MYO1F: variants seen among roughly 807,000 people sequenced by gnomAD.
MYO1F encodes unconventional myosin-If.
In MYO1F, 60 loss-of-function variants were observed where a neutral mutation model predicts 146.6. The ratio of observed to expected loss-of-function variants is 0.41; its 90% CI spans 0.33 to 0.51. MYO1F has a LOEUF of 0.51. MYO1F is among the 20% of genes least tolerant of loss of function. The pLI is 0.25. For synonymous variants in MYO1F, 602 were observed against 602.1 expected (o/e 1.00, Z 0.00); for missense variants, 1,274 against 1,534.3 (o/e 0.83, Z 2.83).
chr19:8,558,167 T>C (rs1973935150), intron 1 of MYO1F, among the ~76,000 whole-genome samples: 2 of 147,370 alleles, frequency 1.4e-5, no homozygotes, highest in African/African-American at 2.5e-5. Context: ...TCTTTTTCTT[T>C]TCTTTTTTTC....
In MYO1F at chr19:8,553,413, T is replaced by C. The variant is rs1196449297; in HGVS notation, c.351A>G (p.Thr117=). The C allele has an allele frequency of 6.2e-7, 1 of 1,614,146 alleles. No homozygotes were observed. Among genetic ancestry groups the C allele is most frequent in the South Asian group, 1.1e-5 (1 of 91,090 alleles). ...AGCCCATGATATATTTGGCTGCCAC[T>C]GTCTTCCCAGCTCCACTCTCTCCAC... ...IISGESGAGK[T]VAAKYIMGYI... is the part of the protein sequence containing the mutation. The change falls in exon 5 of 28, where the codon ACA becomes ACG. Residue 117 remains threonine (T), a synonymous_variant. Transcript: ENST00000644032.
intron 1 of MYO1F, among the ~76,000 whole-genome samples, chr19:8,561,854 CTA>C (rs1403093595): frequency 6.6e-6 from 1 of 151,540 alleles, no homozygotes; most frequent in Non-Finnish European, 1.5e-5. Context: ...GCAGCTGGGA[CTA>C]TAGGCGCGCA....
chr19:8,533,083 T>G (rs1423918749), intron 19 of MYO1F, among the ~76,000 whole-genome samples: 1 of 152,088 alleles, frequency 6.6e-6, no homozygotes, highest in East Asian at 1.9e-4. Flanking sequence ...AGAGACAGGG[T>G]CTTGCTCTGT....
At chr19:8,552,213 T>TG in intron 6 of MYO1F, 49 bp from the exon 7 acceptor site, 2 of 1,609,758 alleles carry the variant, frequency 1.2e-6, no homozygotes, top group South Asian at 1.1e-5. Flanking sequence ...GGGGTGCAGG[T>TG]GGGGGAAGGG....
intron 16 of MYO1F, among the ~76,000 whole-genome samples, 161 bp from the exon 17 acceptor site, chr19:8,537,216 C>T (rs1331360785): frequency 6.6e-6 from 1 of 151,996 alleles, no homozygotes; most frequent in Non-Finnish European, 1.5e-5. Flanking sequence ...GGTCTGTGTG[C>T]ACCTCCACTA....
rs769899272 is a variant in MYO1F, at chr19:8,530,329, C to T, written c.2195G>A (p.Arg732His). 22 of 1,614,042 alleles carry T rather than the reference C, an allele frequency of 1.4e-5. No homozygotes were observed. In the South Asian group the frequency reaches 1.6e-4, roughly 12 times the overall value. The change falls in exon 21 of 28, where the codon CGC becomes CAC. Residue 732 changes from arginine (R) to histidine (H), a missense_variant. Arg to His is a conservative substitution (Grantham distance 29, BLOSUM62 0). Coordinates refer to ENST00000644032, the MANE Select transcript of MYO1F (RefSeq NM_012335.4). The surrounding 1 kb of genome is among the most constrained non-coding windows in gnomAD (Gnocchi z 5.8). ...NILLNKKERR[R>H]NSINRNFVGD... Reference sequence around the variant, plus strand: ...GACGAAGTTCCGATTGATGCTGTTGCGCCTCCGCTCCTTCTTGTTCAGCAG... The same window carrying T: ...GACGAAGTTCCGATTGATGCTGTTGTGCCTCCGCTCCTTCTTGTTCAGCAG...
At chr19:8,565,589 A>G (rs2041988191) in intron 1 of MYO1F, among the ~76,000 whole-genome samples, 1 of 151,974 alleles carries the variant, frequency 6.6e-6, no homozygotes, top group Admixed American at 6.6e-5. Flanking sequence ...ATTGTGGGCA[A>G]AGTGGCATCA....
intron 12 of MYO1F, among the ~76,000 whole-genome samples, chr19:8,546,477 A>C (rs2145900491): frequency 6.6e-6 from 1 of 151,564 alleles, no homozygotes; most frequent in Admixed American, 6.6e-5. Context: ...CTCTCATCTC[A>C]GCCTTCCGAG....
At chr19:8,549,127 T>G (rs1018120504) in intron 10 of MYO1F, among the ~76,000 whole-genome samples, 3 of 151,758 alleles carry the variant, frequency 2.0e-5, no homozygotes, top group Non-Finnish European at 4.4e-5. Context: ...ATTCTTGTAT[T>G]TTTAGTAGAG....
At position 8,525,547 on chromosome 19, in the gene MYO1F, C is replaced by G. The variant is rs200871128; in HGVS notation, c.2786G>C (p.Gly929Ala). 16 of 1,613,526 alleles carry G rather than the reference C, an allele frequency of 9.9e-6. No homozygotes were observed. In the African/African-American group the frequency reaches 1.5e-4, roughly 15 times the overall value. Residue 929 changes from glycine (G) to alanine (A), a missense_variant, in exon 25 of 28, where the codon GGA becomes GCA. By Grantham distance (60) the Gly-to-Ala change is moderately conservative. Around this residue, in one of 2 missense-constraint regions of MYO1F, gnomAD observed 374 missense variants for 379.2 expected, o/e 0.99. Transcript: ENST00000644032. ...CCTCCGAGGTTTTCCCTTGGCCATTCCCTTCCGCGTAGGCTCTGAAAGAAG... is the reference window on the plus strand; with the variant it reads ...CCTCCGAGGTTTTCCCTTGGCCATTGCCTTCCGCGTAGGCTCTGAAAGAAG... ...LPKSSKPTRK[G>A]MAKGKPRRSS...
chr19:8,560,307 A>AC (rs1486104644), intron 1 of MYO1F, among the ~76,000 whole-genome samples: 1 of 151,280 alleles, frequency 6.6e-6, no homozygotes, highest in African/African-American at 2.4e-5. Flanking sequence ...ACATGGTGAA[A>AC]CCCCATCTCT....
At chr19:8,570,372 A>G (rs1568377025) in intron 1 of MYO1F, among the ~76,000 whole-genome samples, 1 of 143,600 alleles carries the variant, frequency 7.0e-6, no homozygotes, top group African/African-American at 2.6e-5. Context: ...ACCCAGCCAC[A>G]TTTTTTTTTT....
rs1421603920 is a variant in MYO1F at position 8,550,202 on chromosome 19, C to T, written c.1059G>A (p.Leu353=). Residue 353 remains leucine (L), a synonymous_variant, in exon 10 of 28, where the codon CTG becomes CTA. Coordinates refer to ENST00000644032, the MANE Select transcript of MYO1F (RefSeq NM_012335.4). ...AGAGGCGGGCATAGAGCCCCTTGGC[C>T]AGGGCATCACGGGTGTAGGCTGCCT... is the stretch of plus-strand genomic sequence containing the variant. ...VEQAAYTRDA[L]AKGLYARLFD... is the part of the protein sequence containing the mutation. The T allele has an allele frequency of 3.1e-6, 5 of 1,614,180 alleles. No homozygotes were observed. In the South Asian group the frequency reaches 4.4e-5, roughly 14 times the overall value.
chr19:8,557,904 A>C (rs952245262), intron 1 of MYO1F, among the ~76,000 whole-genome samples: 7 of 144,212 alleles, frequency 4.9e-5, no homozygotes, highest in Admixed American at 6.9e-5. Flanking sequence ...TCTCCCTCCT[A>C]CCTCTCCTCT....
chr19:8,536,326 G>A lies in MYO1F; in HGVS notation c.1969C>T (p.Leu657Phe), dbSNP rs1031470726. ...TCGGGCTCCATGTTGACCGCCCGAA[G>A]CAGGTGCTGGACGCCCTGGCGTTCG... ...GDERQGVQHL[L>F]RAVNMEPDQY... is the part of the protein sequence containing the mutation. The change falls in exon 19 of 28, where the codon CTT becomes TTT. Residue 657 changes from leucine (L) to phenylalanine (F), a missense_variant. Coordinates refer to ENST00000644032, the MANE Select transcript of MYO1F (RefSeq NM_012335.4). 3.7e-6 allele frequency: 6 copies of A among 1,607,984 alleles called. No individual in the cohort carries two copies. Among genetic ancestry groups the A allele is most frequent in the Non-Finnish European group, 5.1e-6 (6 of 1,179,976 alleles).
At chr19:8,522,351 C>T in intron 27 of MYO1F, 26 bp downstream of exon 27, 1 of 1,613,682 alleles carries the variant, frequency 6.2e-7, no homozygotes, top group East Asian at 2.2e-5. Context: ...CTCCCCTCAC[C>T]CCAGCTTCTG....
intron 1 of MYO1F, among the ~76,000 whole-genome samples, chr19:8,574,669 C>CTCTTTCTT (rs200409055): frequency 7.5e-6 from 1 of 133,280 alleles, no homozygotes; most frequent in Non-Finnish European, 1.6e-5. Flanking sequence ...TCTTCTTTCT[C>CTCTTTCTT]TCTTTCTTTC....
chr19:8,561,460 C>T (rs1048012539), intron 1 of MYO1F, among the ~76,000 whole-genome samples: 3 of 120,880 alleles, frequency 2.5e-5, no homozygotes, highest in African/African-American at 1.0e-4. Flanking sequence ...CCCTCTCTCC[C>T]TCTCTCTCTC....
intron 27 of MYO1F, among the ~76,000 whole-genome samples, 166 bp downstream of exon 27, chr19:8,522,211 A>G (rs1209897394): frequency 1.3e-5 from 2 of 151,566 alleles, no homozygotes; most frequent in African/African-American, 4.9e-5. Flanking sequence ...TTTAGTAGAG[A>G]CGGGGTTTCA....
Sources: allele counts gnomAD v4.1 joint callset (sites outside exome capture counted in the v4.1 genomes callset), GRCh38; gene constraint gnomAD v4.1.1; regional missense constraint gnomAD v4.1.1; non-coding constraint Gnocchi (gnomAD v3.1); transcripts MANE v1.5; gene names NCBI Gene and HGNC (gene_info 2026-07-23, HGNC 2026-07-21).